The following TCF4 variants were observed in gnomAD, a reference collection of about 807,000 sequenced individuals.
TCF4 encodes transcription factor 4.
TCF4 carries 3 observed loss-of-function variants against 82.1 expected under a neutral mutation model. The ratio of observed to expected loss-of-function variants is 0.04; its 90% CI spans 0.02 to 0.09. The LOEUF (loss-of-function observed/expected upper bound fraction) is 0.09, where lower values mean the gene tolerates loss of function less well. TCF4 is among the 10% of genes least tolerant of loss of function. The probability of loss-of-function intolerance (pLI) is 1.00; values close to 1 mark genes in which losing one functional copy is unlikely to be tolerated. For missense variants in TCF4, 518 were observed against 852.7 expected (o/e 0.61, Z 4.89); for synonymous variants, 276 against 309.6 (o/e 0.89, Z 1.14).
At chr18:55,257,946 T>TTTC (rs1204555285) in intron 13 of TCF4, among the ~76,000 whole-genome samples, 1 of 152,192 alleles carries the variant, frequency 6.6e-6, no homozygotes, top group East Asian at 1.9e-4. Flanking sequence ...GAAAATAATT[T>TTTC]TTTTATGATT....
intron 10 of TCF4, among the ~76,000 whole-genome samples, chr18:55,275,030 G>A (rs2061182633): frequency 6.6e-6 from 1 of 152,046 alleles, no homozygotes; most frequent in Non-Finnish European, 1.5e-5. Context: ...CAGTATGAGT[G>A]GCAGGCTGGG....
intron 3 of TCF4, chr18:55,510,469 C>A: frequency 1.2e-6 from 1 of 800,096 alleles, no homozygotes; most frequent in Non-Finnish European, 1.8e-6. Context: ...TTTGTAAAAA[C>A]CCCAGTCAAA....
At chr18:55,406,938 T>C (rs1285665871) in intron 5 of TCF4, among the ~76,000 whole-genome samples, 1 of 152,208 alleles carries the variant, frequency 6.6e-6, no homozygotes, top group Non-Finnish European at 1.5e-5. Flanking sequence ...CCAAGCCCCA[T>C]GGCTAAAACT....
intron 3 of TCF4, among the ~76,000 whole-genome samples, chr18:55,511,330 T>TAAAAAAAAAAAAAAAAAAAAAAAA (rs751932079): frequency 1.4e-5 from 1 of 73,072 alleles, no homozygotes; most frequent in Non-Finnish European, 3.3e-5. Context: ...TTCCAAAAGT[T>TAAAAAAAAAAAAAAAAAAAAAAAA]TAAAAAAAAA....
At position 55,378,208 on chromosome 18, in the gene TCF4, C is replaced by T. The variant is rs1316878938; in HGVS notation, c.369+25246G>A. Among the ~76,000 whole-genome samples the T allele has an allele frequency of 5.3e-5, 8 of 152,146 alleles. No individual in the cohort carries two copies. In the East Asian group the frequency reaches 5.8e-4, roughly 11 times the overall value. ...ACTTGACCCACAGATTGAGAAACAACGACCTCTTCAAAGATACTGCCCACT... is the reference window on the plus strand; with the variant it reads ...ACTTGACCCACAGATTGAGAAACAATGACCTCTTCAAAGATACTGCCCACT... On this transcript the variant is annotated intron_variant, in intron 6 of 19. Coordinates refer to ENST00000354452, the MANE Select transcript of TCF4 (RefSeq NM_001083962.2).
chr18:55,258,969 A>G (rs757814263), intron 13 of TCF4, among the ~76,000 whole-genome samples: 2 of 152,086 alleles, frequency 1.3e-5, no homozygotes, highest in African/African-American at 4.8e-5. Context: ...TGCCCTCTCT[A>G]TTCTGTGATC....
At chr18:55,393,908 T>G (rs1203361989) in intron 6 of TCF4, among the ~76,000 whole-genome samples, 1 of 152,206 alleles carries the variant, frequency 6.6e-6, no homozygotes, top group Non-Finnish European at 1.5e-5. Context: ...AGTTATTTAA[T>G]TTTTTTACAG....
At chr18:55,311,548 T>C (rs2072455853) in intron 8 of TCF4, among the ~76,000 whole-genome samples, 1 of 152,232 alleles carries the variant, frequency 6.6e-6, no homozygotes, top group Non-Finnish European at 1.5e-5. Context: ...TTGATTTTCT[T>C]AAATCTTCAT....
intron 3 of TCF4, among the ~76,000 whole-genome samples, chr18:55,496,924 C>A (rs1437674280): frequency 4.1e-5 from 6 of 145,596 alleles, no homozygotes; most frequent in Non-Finnish European, 7.6e-5. Flanking sequence ...AAGTTTAAAG[C>A]CACAAGAGAA....
intron 3 of TCF4, among the ~76,000 whole-genome samples, chr18:55,482,531 C>T (rs2096454257): frequency 6.6e-6 from 1 of 152,138 alleles, no homozygotes; most frequent in African/African-American, 2.4e-5. Context: ...GGAGACAGCG[C>T]CCCAAGAACC....
intron 3 of TCF4, among the ~76,000 whole-genome samples, chr18:55,549,458 C>T (rs1019041992): frequency 1.3e-5 from 2 of 152,090 alleles, no homozygotes; most frequent in African/African-American, 4.8e-5. Flanking sequence ...TATAGCTGCA[C>T]AAAACATTTT....
chr18:55,385,740 A>C (rs1172603448), intron 6 of TCF4, among the ~76,000 whole-genome samples: 1 of 152,246 alleles, frequency 6.6e-6, no homozygotes, highest in Non-Finnish European at 1.5e-5. Flanking sequence ...TAAAAAGGTC[A>C]AGTGGAAAGG....
At chr18:55,292,803 C>T (rs1355454761) in intron 8 of TCF4, among the ~76,000 whole-genome samples, 1 of 149,168 alleles carries the variant, frequency 6.7e-6, no homozygotes, top group East Asian at 2.0e-4. Flanking sequence ...TACACATACA[C>T]ACATCCATTT....
chr18:55,394,402 A>C (rs951650324), intron 6 of TCF4, among the ~76,000 whole-genome samples: 1 of 152,218 alleles, frequency 6.6e-6, no homozygotes, highest in Non-Finnish European at 1.5e-5. Context: ...GGTAGCTTGA[A>C]AATAACATAT....
rs1295835305 is a variant in TCF4, at chr18:55,351,018, A to C, written c.370-15T>G. ...AGGAGACTCTGCTAAAAGGTTAAAA[A>C]GGGAAAACAAACATATAAGGTTAAT... On this transcript the variant is annotated splice_polypyrimidine_tract_variant and intron_variant, in intron 6 of 19. Transcript: ENST00000354452. 1 of 1,612,944 alleles carries C rather than the reference A, an allele frequency of 6.2e-7. No homozygotes were observed. The highest frequency in any genetic ancestry group is 1.1e-5 in the South Asian group (1 of 91,064).
intron 3 of TCF4, among the ~76,000 whole-genome samples, chr18:55,516,240 C>G (rs1363530842): frequency 6.6e-6 from 1 of 151,974 alleles, no homozygotes; most frequent in African/African-American, 2.4e-5. Flanking sequence ...CCTCAGTATC[C>G]CTGACTCTTA....
intron 5 of TCF4, chr18:55,404,384 A>C (rs2093982137): frequency 6.6e-6 from 1 of 152,558 alleles, no homozygotes; most frequent in African/African-American, 2.4e-5. Flanking sequence ...ACATGTGGAG[A>C]ATCATTGTAG....
At chr18:55,275,214 T>C (rs1475951371) in intron 10 of TCF4, among the ~76,000 whole-genome samples, 2 of 143,894 alleles carry the variant, frequency 1.4e-5, no homozygotes, top group African/African-American at 2.6e-5. Flanking sequence ...TCCTGGGTGA[T>C]GCATATAATC....
intron 3 of TCF4, among the ~76,000 whole-genome samples, chr18:55,493,307 G>T (rs2096595040): frequency 6.6e-6 from 1 of 152,126 alleles, no homozygotes; most frequent in Non-Finnish European, 1.5e-5. Context: ...CACATGGGAG[G>T]TATTTCATGA....
Sources: allele counts gnomAD v4.1 joint callset (sites outside exome capture counted in the v4.1 genomes callset), GRCh38; gene constraint gnomAD v4.1.1; transcripts MANE v1.5; gene names NCBI Gene and HGNC (gene_info 2026-07-23, HGNC 2026-07-21).